LAT: variants seen among roughly 807,000 people sequenced by gnomAD.
LAT encodes linker for activation of T cells, also known as linker for activation of T-cells family member 1.
In LAT, 12 loss-of-function variants were observed where a neutral mutation model predicts 39.1. That is an observed-to-expected ratio of 0.31 (90% CI 0.20 to 0.50). The LOEUF (loss-of-function observed/expected upper bound fraction) is 0.50, where lower values mean the gene tolerates loss of function less well. Among genes scored for constraint, LAT ranks in the 20% least tolerant of loss-of-function variants. The pLI is 0.98. For synonymous variants in LAT, 117 were observed against 123.8 expected (o/e 0.95, Z 0.36); for missense variants, 253 against 308.0 (o/e 0.82, Z 1.34).
chr16:28,990,147 A>T, intron 11 of LAT, 42 bp from the exon 12 acceptor site: 1 of 768,862 alleles, frequency 1.3e-6, no homozygotes, highest in Non-Finnish European at 2.2e-6. Flanking sequence ...GAACCCCGTC[A>T]GCCTCCTGAT....
chr16:28,985,014 A>C, upstream of LAT: 2 of 1,426,650 alleles, frequency 1.4e-6, no homozygotes, highest in Non-Finnish European at 1.8e-6. This position sits in a 1 kb window ranked among gnomAD's most constrained non-coding sequence, Gnocchi z 4.6. Flanking sequence ...CAGCCGGCTG[A>C]GAGCTTGATG....
upstream of LAT, chr16:28,985,006 G>A (rs1388476499): frequency 2.8e-6 from 4 of 1,436,982 alleles, no homozygotes; most frequent in Admixed American, 5.5e-5. The surrounding 1 kb of genome is among the most constrained non-coding windows in gnomAD (Gnocchi z 4.6). Context: ...GGCGGGTGCA[G>A]CCGGCTGAGA....
At position 28,985,727 on chromosome 16, in the gene LAT, A is replaced by G. The variant is rs1965732358; in HGVS notation, c.115A>G (p.Thr39Ala). ...CHRLPGSYDS[T>A]SSDSLYPRGI... is the part of the protein sequence containing the mutation. ...CTCTTTCCCAGGCTCCTACGACAGC[A>G]CATCCTCAGATAGGTGAGTCCGCCC... Residue 39 changes from threonine (T) to alanine (A), a missense_variant, in exon 2 of 12, where the codon ACA (threonine) becomes GCA (alanine). Coordinates refer to ENST00000395456, the MANE Select transcript of LAT (RefSeq NM_001014987.2). The surrounding 1 kb of genome is among the most constrained non-coding windows in gnomAD (Gnocchi z 4.6). The G allele has an allele frequency of 6.2e-7, 1 of 1,613,910 alleles. No individual in the cohort carries two copies. Among genetic ancestry groups the G allele is most frequent in the African/African-American group, 1.3e-5 (1 of 74,914 alleles).
At position 28,986,325 on chromosome 16, in the gene LAT, A is replaced by G; in HGVS notation, c.246-57A>G. 1 of 1,597,074 alleles carries G rather than the reference A, an allele frequency of 6.3e-7. No homozygotes were observed. The highest frequency in any genetic ancestry group is 2.2e-5 in the East Asian group (1 of 44,566). ...ATTGGGGGCCCCTTTCCCTTTTGCA[A>G]CTGCTGTTGCCCCCTGAGCCCCACC... On this transcript the variant is annotated intron_variant, in intron 4 of 11. Coordinates refer to ENST00000395456, the MANE Select transcript of LAT (RefSeq NM_001014987.2). The surrounding 1 kb of genome is among the most constrained non-coding windows in gnomAD (Gnocchi z 5.7).
upstream of LAT, chr16:28,985,038 G>A (rs1036566251): frequency 9.8e-6 from 14 of 1,426,158 alleles, no homozygotes; most frequent in African/African-American, 7.2e-5. This position sits in a 1 kb window ranked among gnomAD's most constrained non-coding sequence, Gnocchi z 4.6. Flanking sequence ...TCCTGCCCTC[G>A]CCCGGCGCTC....
At chr16:28,984,905 TG>T (rs749637413), upstream of LAT, 25 of 1,545,648 alleles carry the variant, frequency 1.6e-5, no homozygotes, top group South Asian at 1.3e-4. Flanking sequence ...GTCCCCGTCT[TG>T]GGGGGGGCCA....
rs373283173 is a variant in LAT, at chr16:28,986,417, C to T, written c.281C>T (p.Thr94Met). 1.1e-4 allele frequency: 170 copies of T among 1,613,916 alleles called. 1 individual carries two copies. In the South Asian group the frequency reaches 1.1e-3, roughly 10 times the overall value. ...CAGCCCCTTGGGGGCTCCCACCGGA[C>T]GCCATCTTCCCGGCGGGATTCTGAT... Reference protein sequence around the residue: ...SPQPLGGSHRTPSSRRDSDGA... With the variant: ...SPQPLGGSHRMPSSRRDSDGA... The change falls in exon 5 of 12, where the codon ACG becomes ATG. Residue 94 changes from threonine to methionine, a missense_variant. Transcript: ENST00000395456. This position sits in a 1 kb window ranked among gnomAD's most constrained non-coding sequence, Gnocchi z 5.7.
chr16:28,990,531 G>T lies in LAT; in HGVS notation c.*350G>T, dbSNP rs1347677399. 1.1e-5 allele frequency: 3 copies of T among 280,358 alleles called. No individual in the cohort carries two copies. In the East Asian group the frequency reaches 3.5e-4, roughly 33 times the overall value. 17.4% of individuals were successfully genotyped at this position (280,358 alleles called of 1,614,324 possible). A position where few individuals can be genotyped will look rare whatever the true frequency, so the allele number is the denominator to read the frequency against. ...TGTCTCTGTGTGTTTGTGTGTATCT[G>T]TGGGTCTCCATCCTCCATGGGGGCT... On this transcript the variant is annotated 3_prime_UTR_variant, in exon 12 of 12. Transcript: ENST00000395456.
chr16:28,990,026 G>A lies in LAT; in HGVS notation c.*7+7G>A, dbSNP rs769778459. 5 of 1,608,400 alleles carry A rather than the reference G, an allele frequency of 3.1e-6. No individual in the cohort carries two copies. Among genetic ancestry groups the A allele is most frequent in the Non-Finnish European group, 3.4e-6 (4 of 1,176,726 alleles). On this transcript the variant is annotated splice_region_variant and intron_variant, in intron 11 of 11. Coordinates refer to ENST00000395456, the MANE Select transcript of LAT (RefSeq NM_001014987.2). ...GAGCTGAACTGAGGGCCTGGTGAGA[G>A]GCCTGCCCTGTCCCCACCCTGCCCT...
At position 28,986,157 on chromosome 16, in the gene LAT, T is replaced by A; in HGVS notation, c.186T>A (p.Pro62=). The A allele has an allele frequency of 2.5e-6, 4 of 1,602,498 alleles. No individual in the cohort carries two copies. Among genetic ancestry groups the A allele is most frequent in the Middle Eastern group, 1.7e-4 (1 of 5,988 alleles). Residue 62 remains proline (P), a synonymous_variant, in exon 4 of 12, where the codon CCT becomes CCA. Coordinates refer to ENST00000395456, the MANE Select transcript of LAT (RefSeq NM_001014987.2). The surrounding 1 kb of genome is among the most constrained non-coding windows in gnomAD (Gnocchi z 5.7). The stretch of plus-strand genomic sequence containing the variant: ...CAGACACGGTTGCCCCCTGGCCACC[T>A]GCCTACCCACCTGTCACCTCCTACC... ...KRPHTVAPWP[P]AYPPVTSYPP...
At position 28,985,498 on chromosome 16, in the gene LAT, G is replaced by T. The variant is rs903162079; in HGVS notation, c.81G>T (p.Val27=). The T allele has an allele frequency of 6.2e-7, 1 of 1,613,686 alleles. No homozygotes were observed. The highest frequency in any genetic ancestry group is 8.5e-7 in the Non-Finnish European group (1 of 1,179,920). ...PILAMLMALC[V]HCHRLPGSYD... ...TGGCCATGTTGATGGCACTGTGTGT[G>T]CACTGCCACAGACTGCCAGGTGAGT... Residue 27 remains valine (V), a synonymous_variant, in exon 1 of 12, where the codon GTG becomes GTT. Coordinates refer to ENST00000395456, the MANE Select transcript of LAT (RefSeq NM_001014987.2). The surrounding 1 kb of genome is among the most constrained non-coding windows in gnomAD (Gnocchi z 4.6).
At chr16:28,988,295 T>C (rs1965803859) in intron 8 of LAT, 2 of 152,366 alleles carry the variant, frequency 1.3e-5, no homozygotes, top group African/African-American at 4.8e-5. Flanking sequence ...AGGCCCTATT[T>C]TACAGAGGAG....
chr16:28,984,918 C>G (rs1452254540), upstream of LAT: 1 of 1,545,522 alleles, frequency 6.5e-7, no homozygotes, highest in South Asian at 1.2e-5. Context: ...GGGGGGCCAG[C>G]AGACCCTTGG....
At chr16:28,984,953 C>T (rs1208509238), upstream of LAT, 5 of 1,509,896 alleles carry the variant, frequency 3.3e-6, no homozygotes, top group East Asian at 2.5e-5. Context: ...GGCTCCCGGG[C>T]CTCCTCCTGC....
chr16:28,986,116 C>A lies in LAT; in HGVS notation c.164-19C>A. ...ACGATGTCCGGAGTCCTTCTTTCAA[C>A]TTGGTTCTGTGTCCTCAGACACGGT... On this transcript the variant is annotated intron_variant, in intron 3 of 11. Coordinates refer to ENST00000395456, the MANE Select transcript of LAT (RefSeq NM_001014987.2). The surrounding 1 kb of genome is among the most constrained non-coding windows in gnomAD (Gnocchi z 5.7). 6.3e-7 allele frequency: 1 copy of A among 1,580,406 alleles called. No homozygotes were observed. The highest frequency in any genetic ancestry group is 8.6e-7 in the Non-Finnish European group (1 of 1,162,248).
Position 28,990,386 on chromosome 16 carries a change from G to A in LAT, c.*205G>A. On this transcript the variant is annotated 3_prime_UTR_variant, in exon 12 of 12. Transcript: ENST00000395456. ...CGCTCTGCACCTTCTGACGCAGCCT[G>A]AGAATGACCTGCCCTGGCCCCAGCC... 2.2e-6 allele frequency: 1 copy of A among 445,112 alleles called. No homozygotes were observed. Among genetic ancestry groups the A allele is most frequent in the Non-Finnish European group, 4.4e-6 (1 of 228,228 alleles). 27.6% of individuals were successfully genotyped at this position (445,112 alleles called of 1,614,324 possible).
In LAT at chr16:28,989,921, C is replaced by G. The variant is rs770019079; in HGVS notation, c.623-12C>G. 6.2e-7 allele frequency: 1 copy of G among 1,613,672 alleles called. No individual in the cohort carries two copies. The highest frequency in any genetic ancestry group is 8.5e-7 in the Non-Finnish European group (1 of 1,179,858). On this transcript the variant is annotated splice_polypyrimidine_tract_variant and intron_variant, in intron 10 of 11. Coordinates refer to ENST00000395456, the MANE Select transcript of LAT (RefSeq NM_001014987.2). ...GCTTGCAAGCTGGAGACCAACCTCC[C>G]CTCCCTTACAGCCGCCCTGAGTTCC...
Position 28,986,284 on chromosome 16 carries a change from C to A in LAT, c.245+68C>A. ...TCCCCCTCCAAACTCCACTCTCTAC[C>A]CCTTCACTTTTTTGGATTGGGGGCC... On this transcript the variant is annotated intron_variant, in intron 4 of 11. Coordinates refer to ENST00000395456, the MANE Select transcript of LAT (RefSeq NM_001014987.2). The surrounding 1 kb of genome is among the most constrained non-coding windows in gnomAD (Gnocchi z 5.7). 1 of 1,558,488 alleles carries A rather than the reference C, an allele frequency of 6.4e-7. No individual in the cohort carries two copies. Among genetic ancestry groups the A allele is most frequent in the Middle Eastern group, 1.7e-4 (1 of 5,886 alleles).
Position 28,985,145 on chromosome 16 carries a change from C to T in LAT, c.-273C>T. On this transcript the variant is annotated 5_prime_UTR_variant, in exon 1 of 12. Coordinates refer to ENST00000395456, the MANE Select transcript of LAT (RefSeq NM_001014987.2). This position sits in a 1 kb window ranked among gnomAD's most constrained non-coding sequence, Gnocchi z 4.6. ...GGCTGGGACGCAGGGGTAACTGGAT[C>T]CCCCGACTTCAGCCCAGGCCCTGGT... The T allele has an allele frequency of 3.5e-6, 5 of 1,426,320 alleles. No homozygotes were observed. Among genetic ancestry groups the T allele is most frequent in the Non-Finnish European group, 4.6e-6 (5 of 1,095,124 alleles). 88.4% of individuals were successfully genotyped at this position (1,426,320 alleles called of 1,614,324 possible). A position where few individuals can be genotyped will look rare whatever the true frequency, so the allele number is the denominator to read the frequency against.
Sources: gnomAD v4.1 joint callset for allele counts on GRCh38, gnomAD v4.1.1 for gene constraint, Gnocchi (gnomAD v3.1) non-coding constraint, MANE v1.5 for transcripts, NCBI Gene and HGNC (gene_info 2026-07-23, HGNC 2026-07-21) for gene names.